Variants in UBXN7 observed in about 807,000 individuals in gnomAD.
The protein encoded by UBXN7 is UBX domain protein 7.
In UBXN7, 9 loss-of-function variants were observed where a neutral mutation model predicts 58.0. The observed-to-expected ratio is 0.16, with a 90% CI of 0.09 to 0.27. The LOEUF (loss-of-function observed/expected upper bound fraction) is 0.27, where lower values mean the gene tolerates loss of function less well. Ranked by LOEUF, UBXN7 falls within the 10% of genes least tolerant of loss-of-function variation. The pLI, the probability that UBXN7 is intolerant of heterozygous loss-of-function variation, is 1.00. For missense variants in UBXN7, 328 were observed against 599.6 expected (o/e 0.55, Z 4.73); for synonymous variants, 208 against 205.0 (o/e 1.01, Z -0.12).
chr3:196,402,911 G>T lies in UBXN7; in HGVS notation c.289+41C>A, dbSNP rs1416657399. 4 of 1,575,018 alleles carry T rather than the reference G, an allele frequency of 2.5e-6. No individual in the cohort carries two copies. The Admixed American group carries it at 6.2e-5, about 24-fold the overall frequency. ...TTGATGGTTTCATTAAAATCCTAAA[G>T]AACAAAATCAAATAAGGCTAAGGGA... On this transcript the variant is annotated intron_variant, in intron 3 of 10. Transcript: ENST00000296328.
rs1178062329 is a variant in UBXN7, at chr3:196,353,665, T to G, written c.*3020A>C. On this transcript the variant is annotated 3_prime_UTR_variant, in exon 11 of 11. Coordinates refer to ENST00000296328, the MANE Select transcript of UBXN7 (RefSeq NM_015562.2). ...CCACACCCAGGTAATTTTTGTATTT[T>G]TAGTAGAGACGGGGTTTCACCATGT... 6.6e-6 allele frequency: 1 copy of G among 152,088 alleles called. No individual in the cohort carries two copies. The highest frequency in any genetic ancestry group is 2.4e-5 in the African/African-American group (1 of 41,394). 9.4% of individuals were successfully genotyped at this position (152,088 alleles called of 1,614,324 possible).
intron 3 of UBXN7, chr3:196,400,837 T>TA (rs772763209): frequency 7.4e-5 from 17 of 229,490 alleles, no homozygotes; most frequent in Non-Finnish European, 1.4e-4. Flanking sequence ...CCTATAGTCC[T>TA]ACAAAGACGC....
intron 5 of UBXN7, among the ~76,000 whole-genome samples, chr3:196,385,836 T>C (rs1327609054): frequency 6.6e-6 from 1 of 150,392 alleles, no homozygotes; most frequent in Non-Finnish European, 1.5e-5. Context: ...GTCTGGGAAG[T>C]GAGGAGCCCC....
In UBXN7 at chr3:196,413,116, G is replaced by A. The variant is rs185235272; in HGVS notation, c.74-5723C>T. ...AGCACTTTGGGAGGCCGACGTGGGC[G>A]GATCACTTGAGGTCAGTTAGAGACC... On this transcript the variant is annotated intron_variant, in intron 1 of 10. Coordinates refer to ENST00000296328, the MANE Select transcript of UBXN7 (RefSeq NM_015562.2). 7.5e-4 allele frequency among the ~76,000 whole-genome samples: 114 copies of A among 152,170 alleles called. 1 individual carries two copies. Among genetic ancestry groups the A allele is most frequent in the Admixed American group, 6.5e-3 (99 of 15,268 alleles).
intron 5 of UBXN7, among the ~76,000 whole-genome samples, chr3:196,391,514 T>C (rs2108845370): frequency 6.6e-6 from 1 of 152,136 alleles, no homozygotes; most frequent in East Asian, 1.9e-4. Context: ...GAGGATTGCT[T>C]GAACCTAGGC....
intron 3 of UBXN7, among the ~76,000 whole-genome samples, chr3:196,394,105 A>G (rs1729668790): frequency 6.6e-6 from 1 of 151,998 alleles, no homozygotes; most frequent in Non-Finnish European, 1.5e-5. Flanking sequence ...CCTGACCAAC[A>G]TGGTGAGCCC....
chr3:196,394,601 C>G (rs994454938), intron 3 of UBXN7, among the ~76,000 whole-genome samples: 3 of 148,506 alleles, frequency 2.0e-5, no homozygotes, highest in African/African-American at 2.5e-5. Context: ...GAAACTCCGT[C>G]TCAAAAAAAA....
chr3:196,408,050 G>A (rs548343199), intron 1 of UBXN7, among the ~76,000 whole-genome samples: 6 of 136,008 alleles, frequency 4.4e-5, no homozygotes, highest in East Asian at 4.4e-4. Flanking sequence ...ATGAGCCGAA[G>A]TCACGCCACT....
At chr3:196,387,491 G>A (rs1488454023) in intron 5 of UBXN7, among the ~76,000 whole-genome samples, 3 of 152,128 alleles carry the variant, frequency 2.0e-5, no homozygotes, top group African/African-American at 7.2e-5. Context: ...TACCATTAGA[G>A]TGAACAGGCA....
intron 1 of UBXN7, among the ~76,000 whole-genome samples, chr3:196,412,381 T>A (rs1219687017): frequency 4.4e-4 from 67 of 152,118 alleles, no homozygotes; most frequent in Non-Finnish European, 4.4e-5. Context: ...CTGTTTTTTT[T>A]AGTACCAGCT....
At position 196,419,321 on chromosome 3, in the gene UBXN7, T is replaced by TAAATAAACAAAC. The variant is rs139881636; in HGVS notation, c.74-11929_74-11928insGTTTGTTTATTT. 1.7e-3 allele frequency among the ~76,000 whole-genome samples: 260 copies of TAAATAAACAAAC among 150,320 alleles called. 2 individuals carry two copies. Among genetic ancestry groups the TAAATAAACAAAC allele is most frequent in the South Asian group, 6.4e-3 (31 of 4,810 alleles). ...ATAAATAAATAAATAAATAAATAAA[T>TAAATAAACAAAC]AAACAATGTGACAGGATGACTTCCA... On this transcript the variant is annotated intron_variant, in intron 1 of 10. Transcript: ENST00000296328.
chr3:196,428,145 C>CAA (rs1464665006), intron 1 of UBXN7, among the ~76,000 whole-genome samples: 1 of 151,430 alleles, frequency 6.6e-6, no homozygotes, highest in Non-Finnish European at 1.5e-5. Context: ...AAAACAAAAA[C>CAA]AAACAAAAAG....
chr3:196,374,910 A>G (rs1384600327), intron 5 of UBXN7, among the ~76,000 whole-genome samples: 72 of 1,302 alleles, frequency 0.055, 1 homozygote, highest in East Asian at 0.19. Flanking sequence ...GGGGAGGGGG[A>G]GGGGGAGGGG....
chr3:196,413,738 T>C (rs1004770670), intron 1 of UBXN7, among the ~76,000 whole-genome samples: 2 of 152,190 alleles, frequency 1.3e-5, no homozygotes, highest in South Asian at 2.1e-4. Flanking sequence ...CCCTTTGATA[T>C]AGTCATCCCT....
chr3:196,417,786 G>A (rs987777557), intron 1 of UBXN7, among the ~76,000 whole-genome samples: 7 of 148,238 alleles, frequency 4.7e-5, no homozygotes, highest in South Asian at 2.2e-4. Flanking sequence ...TTAGCCAGGC[G>A]TGGTGGCACA....
intron 1 of UBXN7, among the ~76,000 whole-genome samples, chr3:196,412,709 T>C (rs929064458): frequency 6.6e-6 from 1 of 152,116 alleles, no homozygotes; most frequent in Non-Finnish European, 1.5e-5. Flanking sequence ...TAAACAAAAG[T>C]AGTATATTCA....
chr3:196,419,394 A>G (rs1730606249), intron 1 of UBXN7, among the ~76,000 whole-genome samples: 1 of 152,254 alleles, frequency 6.6e-6, no homozygotes, highest in Admixed American at 6.5e-5. Context: ...TTCCAAAGAA[A>G]GTACCACTAC....
intron 5 of UBXN7, among the ~76,000 whole-genome samples, chr3:196,379,692 C>T (rs946827668): frequency 6.6e-6 from 1 of 152,154 alleles, no homozygotes; most frequent in African/African-American, 2.4e-5. Context: ...AAGGTGGTAT[C>T]CTTCAGCCAA....
At chr3:196,371,826 T>G in intron 6 of UBXN7, 70 bp downstream of exon 6, 1 of 1,547,348 alleles carries the variant, frequency 6.5e-7, no homozygotes, top group Non-Finnish European at 8.7e-7. Context: ...ATAACCCAAT[T>G]CCTTTCCCTC....
Sources: gnomAD v4.1 joint callset for allele counts (sites outside exome capture counted in the v4.1 genomes callset) on GRCh38, gnomAD v4.1.1 for gene constraint, MANE v1.5 for transcripts, NCBI Gene and HGNC (gene_info 2026-07-23, HGNC 2026-07-21) for gene names.